The following TRIM16 variants were observed in gnomAD, a reference collection of about 807,000 sequenced individuals.
TRIM16 encodes the protein tripartite motif-containing protein 16.
In TRIM16, 33 loss-of-function variants were observed where a neutral mutation model predicts 50.4. That is an observed-to-expected ratio of 0.65 (90% confidence interval 0.50 to 0.88). TRIM16 has a LOEUF of 0.88. TRIM16 is among the 40% of genes least tolerant of loss of function. The pLI, the probability that TRIM16 is intolerant of heterozygous loss-of-function variation, is 0.00. For missense variants in TRIM16, 581 were observed against 686.8 expected (o/e 0.85, Z 1.72); for synonymous variants, 229 against 270.7 (o/e 0.85, Z 1.51).
chr17:15,649,305 T>A (rs1987567535), intron 7 of TRIM16, among the ~76,000 whole-genome samples: 1 of 152,086 alleles, frequency 6.6e-6, no homozygotes, highest in Non-Finnish European at 1.5e-5. Flanking sequence ...TATTATTATT[T>A]GAGATGGAGT....
chr17:15,678,714 T>TAGACCCAAATA (rs1216306905), intron 4 of TRIM16, among the ~76,000 whole-genome samples: 1 of 152,230 alleles, frequency 6.6e-6, no homozygotes, highest in African/African-American at 2.4e-5. Context: ...GTCTATTGGT[T>TAGACCCAAATA]ACAACAGTTA....
intron 7 of TRIM16, among the ~76,000 whole-genome samples, chr17:15,650,855 G>T (rs879523919): frequency 2.6e-5 from 4 of 152,156 alleles, no homozygotes; most frequent in Non-Finnish European, 5.9e-5. Context: ...CACAGACAGA[G>T]ATCGCACAGA....
intron 7 of TRIM16, among the ~76,000 whole-genome samples, chr17:15,648,467 A>G (rs1482223258): frequency 6.6e-6 from 1 of 152,190 alleles, no homozygotes; most frequent in Non-Finnish European, 1.5e-5. Flanking sequence ...TGGTTAACTG[A>G]GAAATTAGTC....
chr17:15,680,448 C>T (rs543558378), intron 4 of TRIM16, among the ~76,000 whole-genome samples: 74 of 151,846 alleles, frequency 4.9e-4, no homozygotes, highest in Middle Eastern at 3.4e-3. Flanking sequence ...AAATGCCTCA[C>T]GTGCCTTTGC....
At chr17:15,660,967 T>A in intron 6 of TRIM16, among the ~76,000 whole-genome samples, 1 of 149,574 alleles carries the variant, frequency 6.7e-6, no homozygotes, top group Non-Finnish European at 1.5e-5. Context: ...AAATAACCAC[T>A]GCCTTGTCAA....
Position 15,636,214 on chromosome 17 carries a change from G to C in TRIM16, c.671C>G (p.Ala224Gly). ...VAEMQFGELL[A>G]AVRKAQANVM... ...ATTGGCCTGGGCCTTCCTCACAGCA[G>C]CAAGGAGTTCCCCAAACTGCATTTC... The change falls in exon 9 of 12, where the codon GCT (alanine) becomes GGT (glycine). Residue 224 changes from alanine to glycine, a missense_variant. This residue lies in a region of TRIM16 where 450 missense variants were observed against 544.3 expected (regional missense o/e 0.83). Coordinates refer to ENST00000649191, the MANE Select transcript of TRIM16 (RefSeq NM_001348119.1). 1.2e-6 allele frequency: 2 copies of C among 1,609,106 alleles called. No individual in the cohort carries two copies. Among genetic ancestry groups the C allele is most frequent in the Non-Finnish European group, 1.7e-6 (2 of 1,178,476 alleles).
rs1427776124 is a variant in TRIM16, at chr17:15,635,219, C to G, written c.849+817G>C. Reference sequence around the variant, plus strand: ...TGGATGGAGCCTTCTGAATTATTTACTCCAGTGGGCTTGTTGATAAATGAG... The same window carrying G: ...TGGATGGAGCCTTCTGAATTATTTAGTCCAGTGGGCTTGTTGATAAATGAG... On this transcript the variant is annotated intron_variant, in intron 9 of 11. Coordinates refer to ENST00000649191, the MANE Select transcript of TRIM16 (RefSeq NM_001348119.1). Among the ~76,000 whole-genome samples, 2 of 146,836 alleles carry G rather than the reference C, an allele frequency of 1.4e-5. 1 individual carries two copies. Among genetic ancestry groups the G allele is most frequent in the Non-Finnish European group, 3.0e-5 (2 of 66,558 alleles).
chr17:15,659,512 T>C (rs982001959), intron 6 of TRIM16, among the ~76,000 whole-genome samples: 1 of 152,218 alleles, frequency 6.6e-6, no homozygotes, highest in Non-Finnish European at 1.5e-5. Context: ...ATGCGGCACA[T>C]AGCACATTTG....
chr17:15,637,975 T>C (rs1261859795), intron 8 of TRIM16, among the ~76,000 whole-genome samples: 1 of 141,994 alleles, frequency 7.0e-6, no homozygotes, highest in Non-Finnish European at 1.5e-5. Flanking sequence ...CTGAAACATG[T>C]GCTGTGTCCA....
At chr17:15,671,125 G>A (rs1178130096) in intron 6 of TRIM16, among the ~76,000 whole-genome samples, 1 of 152,264 alleles carries the variant, frequency 6.6e-6, no homozygotes, top group East Asian at 1.9e-4. Context: ...CACTCAGGAA[G>A]AGGAATAAAC....
intron 8 of TRIM16, among the ~76,000 whole-genome samples, chr17:15,642,229 C>G (rs1445549591): frequency 6.7e-6 from 1 of 148,990 alleles, no homozygotes; most frequent in Non-Finnish European, 1.5e-5. Flanking sequence ...CACTTGGAGA[C>G]CATTTACTGC....
chr17:15,640,647 G>T (rs991452700), intron 8 of TRIM16, among the ~76,000 whole-genome samples: 3 of 149,306 alleles, frequency 2.0e-5, no homozygotes, highest in African/African-American at 7.4e-5. Context: ...TTTCCATATG[G>T]CAAAGAAGTA....
In TRIM16 at chr17:15,642,588, C is replaced by T. The variant is rs367674404; in HGVS notation, c.615+133G>A. On this transcript the variant is annotated intron_variant, in intron 8 of 11. Coordinates refer to ENST00000649191, the MANE Select transcript of TRIM16 (RefSeq NM_001348119.1). Reference sequence around the variant, plus strand: ...AATCCTGACATCAAGGTGAGGCTACCGCATGGTGTAGTCAACTGTACCTAC... The same window carrying T: ...AATCCTGACATCAAGGTGAGGCTACTGCATGGTGTAGTCAACTGTACCTAC... 210 of 1,354,950 alleles carry T rather than the reference C, an allele frequency of 1.5e-4. 22 individuals carry two copies. Among genetic ancestry groups the T allele is most frequent in the Admixed American group, 8.9e-4 (39 of 43,998 alleles). The allele number at this position is 1,354,950 out of a possible 1,614,324, so 83.9% of individuals were successfully genotyped here. A position where few individuals can be genotyped will look rare whatever the true frequency, so the allele number is the denominator to read the frequency against.
At chr17:15,670,325 C>T (rs991126831) in intron 6 of TRIM16, among the ~76,000 whole-genome samples, 2 of 152,178 alleles carry the variant, frequency 1.3e-5, no homozygotes. Flanking sequence ...TGTACCATGG[C>T]CTCATCACAG....
chr17:15,663,414 C>T (rs1186023020), intron 6 of TRIM16, among the ~76,000 whole-genome samples: 7 of 152,166 alleles, frequency 4.6e-5, no homozygotes, highest in Admixed American at 4.6e-4. Context: ...TCTATATTTA[C>T]AATATCTCTG....
chr17:15,672,506 G>A (rs575805138), intron 6 of TRIM16, among the ~76,000 whole-genome samples: 1 of 151,556 alleles, frequency 6.6e-6, no homozygotes, highest in Admixed American at 6.6e-5. Flanking sequence ...AGCTAAGGTG[G>A]GCAGACTGCT....
intron 8 of TRIM16, among the ~76,000 whole-genome samples, chr17:15,637,099 C>A (rs1238969556): frequency 5.5e-5 from 8 of 145,062 alleles, no homozygotes; most frequent in Non-Finnish European, 1.5e-5. Context: ...GGCAGCCACC[C>A]CGTCCGGGAG....
Position 15,677,202 on chromosome 17 carries a change from C to T in TRIM16, c.-364G>A. On this transcript the variant is annotated 5_prime_UTR_variant, in exon 6 of 12. Transcript: ENST00000649191. ...TGTACCGCTGCTTCTTGGCACCTCTCCCTCCTGCATTTGTGTTCGTGGGCT... is the reference window on the plus strand; with the variant it reads ...TGTACCGCTGCTTCTTGGCACCTCTTCCTCCTGCATTTGTGTTCGTGGGCT... The T allele has an allele frequency of 2.7e-5, 27 of 985,428 alleles. No individual in the cohort carries two copies. The highest frequency in any genetic ancestry group is 3.1e-5 in the Non-Finnish European group (26 of 829,936). The allele number at this position is 985,428 out of a possible 1,614,324, so 61.0% of individuals were successfully genotyped here. A position where few individuals can be genotyped will look rare whatever the true frequency, so the allele number is the denominator to read the frequency against.
At chr17:15,679,937 A>C (rs1267858400) in intron 4 of TRIM16, among the ~76,000 whole-genome samples, 7 of 11,696 alleles carry the variant, frequency 6.0e-4, no homozygotes, top group Non-Finnish European at 1.1e-3. Context: ...ACTATGTCTC[A>C]AAAAAAAAAA....
Sources: allele counts gnomAD v4.1 joint callset (sites outside exome capture counted in the v4.1 genomes callset), GRCh38; gene constraint gnomAD v4.1.1; regional missense constraint gnomAD v4.1.1; transcripts MANE v1.5; gene names NCBI Gene and HGNC (gene_info 2026-07-23, HGNC 2026-07-21).